TCF7L2: variants seen among roughly 807,000 people sequenced by gnomAD.
The protein encoded by TCF7L2 is transcription factor 7-like 2.
TCF7L2 carries 23 observed loss-of-function variants against 77.9 expected under a neutral mutation model. The ratio of observed to expected loss-of-function variants is 0.30; its 90% confidence interval spans 0.21 to 0.42. TCF7L2 has a LOEUF of 0.42. TCF7L2 is among the 10% of genes least tolerant of loss of function. The pLI is 1.00. For missense variants in TCF7L2, 654 were observed against 793.1 expected (o/e 0.82, Z 2.11); for synonymous variants, 413 against 340.2 (o/e 1.21, Z -2.36).
At position 113,150,903 on chromosome 10, in the gene TCF7L2, G is replaced by A. The variant is rs954173227; in HGVS notation, c.876-95G>A. 1.5e-5 allele frequency: 23 copies of A among 1,516,608 alleles called. No homozygotes were observed. In the Admixed American group the frequency reaches 1.9e-4, roughly 12 times the overall value. 93.9% of individuals were successfully genotyped at this position (1,516,608 alleles called of 1,614,324 possible). A position where few individuals can be genotyped will look rare whatever the true frequency, so the allele number is the denominator to read the frequency against. On this transcript the variant is annotated intron_variant, in intron 8 of 13. Coordinates refer to ENST00000627217, the MANE Select transcript of TCF7L2 (RefSeq NM_001146274.2). ...TGGGTTGCTTTCATGTGAGTGTTAC[G>A]TGCTGTTTTTTTTTTTCTTTTTAAT...
intron 4 of TCF7L2, among the ~76,000 whole-genome samples, chr10:113,023,891 C>A (rs988614589): frequency 6.6e-6 from 1 of 151,590 alleles, no homozygotes; most frequent in African/African-American, 2.4e-5. Flanking sequence ...GTCTCTTGAC[C>A]TTGTGATCCG....
intron 4 of TCF7L2, among the ~76,000 whole-genome samples, chr10:112,993,466 A>G (rs1039399318): frequency 6.6e-6 from 1 of 152,082 alleles, no homozygotes; most frequent in Non-Finnish European, 1.5e-5. Context: ...AGATCACACC[A>G]CTGGACTCCA....
At chr10:113,008,962 G>A (rs1248915145) in intron 4 of TCF7L2, among the ~76,000 whole-genome samples, 1 of 152,104 alleles carries the variant, frequency 6.6e-6, no homozygotes, top group Non-Finnish European at 1.5e-5. Context: ...TTGTTTTTGA[G>A]ACTGAGTCTT....
chr10:113,136,321 C>T (rs952957622), intron 5 of TCF7L2, among the ~76,000 whole-genome samples: 4 of 152,154 alleles, frequency 2.6e-5, no homozygotes, highest in African/African-American at 9.7e-5. Flanking sequence ...AGTCCCCATC[C>T]TACCTTCATT....
intron 5 of TCF7L2, among the ~76,000 whole-genome samples, chr10:113,060,641 A>C (rs531338951): frequency 6.6e-6 from 1 of 152,110 alleles, no homozygotes; most frequent in East Asian, 1.9e-4. Flanking sequence ...AACCCAAATT[A>C]CAAGCTAGAG....
intron 4 of TCF7L2, among the ~76,000 whole-genome samples, chr10:113,019,915 G>A (rs1241272791): frequency 3.3e-5 from 5 of 152,110 alleles, no homozygotes; most frequent in East Asian, 1.9e-4. Flanking sequence ...GCAGGTTTAC[G>A]TTATGTTAAA....
intron 5 of TCF7L2, among the ~76,000 whole-genome samples, chr10:113,120,724 G>A (rs1179566513): frequency 1.3e-5 from 2 of 152,138 alleles, no homozygotes; most frequent in Non-Finnish European, 2.9e-5. Flanking sequence ...AGTGTCACAG[G>A]AGGATACCGA....
chr10:113,160,567 G>A lies in TCF7L2; in HGVS notation c.1319-52G>A, dbSNP rs2073001639. 1.8e-5 allele frequency: 28 copies of A among 1,522,552 alleles called. 1 individual carries two copies. In the South Asian group the frequency reaches 2.9e-4, roughly 16 times the overall value. 94.3% of individuals were successfully genotyped at this position (1,522,552 alleles called of 1,614,324 possible). A position where few individuals can be genotyped will look rare whatever the true frequency, so the allele number is the denominator to read the frequency against. On this transcript the variant is annotated intron_variant, in intron 12 of 13. Coordinates refer to ENST00000627217, the MANE Select transcript of TCF7L2 (RefSeq NM_001146274.2). ...TGTAGCTGAGATTTCACATCCAACTGAGCACGACCCACCATTGTGTTGTAT... is the reference window on the plus strand; with the variant it reads ...TGTAGCTGAGATTTCACATCCAACTAAGCACGACCCACCATTGTGTTGTAT...
At chr10:113,073,396 G>T (rs1201672845) in intron 5 of TCF7L2, among the ~76,000 whole-genome samples, 2 of 150,302 alleles carry the variant, frequency 1.3e-5, no homozygotes, top group Non-Finnish European at 3.0e-5. Flanking sequence ...ATTTAAAAGG[G>T]TGGCTCACTC....
intron 4 of TCF7L2, among the ~76,000 whole-genome samples, chr10:112,996,520 C>T (rs915178817): frequency 1.3e-5 from 2 of 152,196 alleles, no homozygotes; most frequent in African/African-American, 4.8e-5. Context: ...CTCACCTTGG[C>T]CTTCAGCATT....
intron 5 of TCF7L2, among the ~76,000 whole-genome samples, chr10:113,073,129 T>TGTGAGAGA (rs56927661): frequency 1.6e-5 from 2 of 123,584 alleles, no homozygotes; most frequent in Middle Eastern, 4.1e-3. Flanking sequence ...TGTGTGTGTG[T>TGTGAGAGA]GAGAGAGAGA....
At chr10:113,049,136 C>A (rs1339932945) in intron 5 of TCF7L2, among the ~76,000 whole-genome samples, 2 of 152,044 alleles carry the variant, frequency 1.3e-5, no homozygotes, top group Non-Finnish European at 2.9e-5. Flanking sequence ...AATATCCAGG[C>A]AAGAATGACC....
At chr10:113,096,284 T>C (rs1349843266) in intron 5 of TCF7L2, among the ~76,000 whole-genome samples, 5 of 152,138 alleles carry the variant, frequency 3.3e-5, no homozygotes, top group Non-Finnish European at 5.9e-5. Context: ...TGTTTGGAAT[T>C]TGGAAATGGA....
chr10:113,056,430 T>A (rs1223299490), intron 5 of TCF7L2, among the ~76,000 whole-genome samples: 1 of 152,120 alleles, frequency 6.6e-6, no homozygotes, highest in South Asian at 2.1e-4. Flanking sequence ...AGCTTGAGAC[T>A]CAATAATAGA....
intron 8 of TCF7L2, among the ~76,000 whole-genome samples, chr10:113,146,797 G>A (rs892656689): frequency 4.0e-5 from 6 of 150,980 alleles, no homozygotes; most frequent in Admixed American, 2.6e-4. Flanking sequence ...TATCTTATAC[G>A]CACAGCACTT....
chr10:113,086,009 G>A (rs2059800832), intron 5 of TCF7L2, among the ~76,000 whole-genome samples: 1 of 152,228 alleles, frequency 6.6e-6, no homozygotes, highest in East Asian at 1.9e-4. Flanking sequence ...ATTCCAGCAG[G>A]TGGGTGGTGG....
chr10:113,162,962 A>G (rs1266410899), intron 13 of TCF7L2, among the ~76,000 whole-genome samples: 1 of 151,398 alleles, frequency 6.6e-6, no homozygotes, highest in African/African-American at 2.4e-5. Flanking sequence ...TAACGTGGCT[A>G]TGGCCACCCC....
chr10:113,069,386 C>T (rs188723227), intron 5 of TCF7L2, among the ~76,000 whole-genome samples: 61 of 152,156 alleles, frequency 4.0e-4, no homozygotes, highest in East Asian at 3.1e-3. Context: ...TCAACCACCA[C>T]GCCTGGCTAA....
At chr10:112,974,404 C>T (rs910791103) in intron 4 of TCF7L2, among the ~76,000 whole-genome samples, 6 of 152,156 alleles carry the variant, frequency 3.9e-5, no homozygotes, top group Admixed American at 1.3e-4. Flanking sequence ...AGGTGGGCCT[C>T]GAGGTCTGAC....
Sources: allele counts gnomAD v4.1 joint callset (sites outside exome capture counted in the v4.1 genomes callset), GRCh38; gene constraint gnomAD v4.1.1; transcripts MANE v1.5; gene names NCBI Gene and HGNC (gene_info 2026-07-23, HGNC 2026-07-21).